The following SGCG variants were observed in gnomAD, a reference collection of about 807,000 sequenced individuals.
The protein encoded by SGCG is sarcoglycan gamma.
In SGCG, 26 loss-of-function variants were observed where a neutral mutation model predicts 29.3. That is an observed-to-expected ratio of 0.89 (90% CI 0.65 to 1.23). SGCG has a LOEUF of 1.23. Ranked by LOEUF, SGCG falls within the 50% of genes most tolerant of loss-of-function variation. The probability of loss-of-function intolerance (pLI) is 0.00; values close to 1 mark genes in which losing one functional copy is unlikely to be tolerated. For synonymous variants in SGCG, 145 were observed against 129.7 expected, an observed-to-expected ratio of 1.12 and a Z score of -0.80; for missense variants, 353 against 356.0, an observed-to-expected ratio of 0.99 and a Z score of 0.07.
At chr13:23,188,949 G>C (rs575868886) in intron 1 of SGCG, among the ~76,000 whole-genome samples, 6 of 152,246 alleles carry the variant, frequency 3.9e-5, no homozygotes, top group East Asian at 1.9e-4. Context: ...CATTCTTTAC[G>C]ATACCTCTGG....
chr13:23,304,974 C>T (rs1882310209), intron 6 of SGCG, among the ~76,000 whole-genome samples: 2 of 128,892 alleles, frequency 1.6e-5, no homozygotes, highest in South Asian at 2.7e-4. Context: ...CAGGCTTGCA[C>T]GTGCTCACAG....
chr13:23,211,592 C>A lies in SGCG; in HGVS notation c.195+7703C>A, dbSNP rs151122709. The stretch of plus-strand genomic sequence containing the variant: ...TGTGGGAATTGGGAAGACGAAATGC[C>A]TTCACTGTATTTATCTGATTTTACT... On this transcript the variant is annotated intron_variant, in intron 2 of 7. Coordinates refer to ENST00000218867, the MANE Select transcript of SGCG (RefSeq NM_000231.3). Among the ~76,000 whole-genome samples the A allele has an allele frequency of 3.3e-5, 5 of 152,250 alleles. No individual in the cohort carries two copies. The East Asian group carries it at 9.7e-4, about 29-fold the overall frequency.
intron 1 of SGCG, among the ~76,000 whole-genome samples, chr13:23,199,672 T>C (rs544154995): frequency 6.6e-6 from 1 of 152,288 alleles, no homozygotes; most frequent in Admixed American, 6.5e-5. Flanking sequence ...TGAACACTGG[T>C]AGATGGCACT....
At chr13:23,192,430 G>A (rs2014642) in intron 1 of SGCG, among the ~76,000 whole-genome samples, 28,133 of 151,714 alleles carry the variant, frequency 0.19, 3,145 homozygotes, top group East Asian at 0.45. Flanking sequence ...TCTCACTCTT[G>A]TTGCTCAGGC....
At chr13:23,270,169 G>T (rs762608957) in intron 4 of SGCG, among the ~76,000 whole-genome samples, 1 of 152,082 alleles carries the variant, frequency 6.6e-6, no homozygotes, top group African/African-American at 2.4e-5. Flanking sequence ...CCACGTGCCC[G>T]GCTGTATTTT....
upstream of SGCG, among the ~76,000 whole-genome samples, chr13:23,178,051 C>T (rs932091703): frequency 6.6e-6 from 1 of 152,124 alleles, no homozygotes; most frequent in African/African-American, 2.4e-5. Context: ...GCATGTGTGT[C>T]AGGTCAAGAA....
chr13:23,168,470 G>A, the SGCG span, among the ~76,000 whole-genome samples: 1 of 152,124 alleles, frequency 6.6e-6, no homozygotes, highest in Non-Finnish European at 1.5e-5. Flanking sequence ...CCTAGTTGGT[G>A]CCTGTTGGAC....
rs375470778 is a variant in SGCG at position 23,300,887 on chromosome 13, G to A, written c.578+5400G>A. Among the ~76,000 whole-genome samples the A allele has an allele frequency of 6.3e-3, 948 of 151,248 alleles. 3 individuals carry two copies. The highest frequency in any genetic ancestry group is 0.011 in the Non-Finnish European group (741 of 67,852). ...TCCCAGCACTTTGGGAGGCCGAGGC[G>A]GGCAGATCATGAGGTCAGGAGATCA... On this transcript the variant is annotated intron_variant, in intron 6 of 7. Coordinates refer to ENST00000218867, the MANE Select transcript of SGCG (RefSeq NM_000231.3).
At chr13:23,192,733 A>G (rs1877327975) in intron 1 of SGCG, among the ~76,000 whole-genome samples, 2 of 152,224 alleles carry the variant, frequency 1.3e-5, no homozygotes, top group African/African-American at 2.4e-5. Context: ...TGAGAGATGT[A>G]TGAAGTATGA....
intron 6 of SGCG, among the ~76,000 whole-genome samples, chr13:23,315,085 A>G (rs55821666): frequency 0.19 from 28,942 of 152,192 alleles, 3,333 homozygotes; most frequent in Non-Finnish European, 0.25. Context: ...GACGCTGTTT[A>G]CAGCCTTTGG....
intron 6 of SGCG, among the ~76,000 whole-genome samples, chr13:23,317,175 A>G (rs1882847853): frequency 1.3e-5 from 2 of 150,750 alleles, no homozygotes; most frequent in African/African-American, 4.8e-5. Flanking sequence ...AGCCTGGGCA[A>G]CAGAGTGAGA....
intron 1 of SGCG, among the ~76,000 whole-genome samples, chr13:23,201,324 G>T (rs894556399): frequency 2.6e-5 from 4 of 151,690 alleles, no homozygotes; most frequent in African/African-American, 9.7e-5. Context: ...ACAGACATTC[G>T]TGTTCTAATA....
chr13:23,292,352 T>C (rs939719902), intron 5 of SGCG, among the ~76,000 whole-genome samples: 24 of 152,192 alleles, frequency 1.6e-4, no homozygotes, highest in East Asian at 7.7e-4. Flanking sequence ...TCAAGTGATC[T>C]GCCTGCCTTG....
intron 1 of SGCG, among the ~76,000 whole-genome samples, chr13:23,187,923 G>A (rs898775155): frequency 8.5e-5 from 13 of 152,184 alleles, no homozygotes; most frequent in Admixed American, 6.5e-4. Flanking sequence ...CCAAACTCCT[G>A]GAGGCCTATG....
chr13:23,279,090 A>G (rs1881201882), intron 4 of SGCG, among the ~76,000 whole-genome samples: 2 of 152,360 alleles, frequency 1.3e-5, no homozygotes, highest in Middle Eastern at 3.4e-3. Context: ...AAGTATTTAA[A>G]ATCTTAAAGA....
intron 3 of SGCG, among the ~76,000 whole-genome samples, chr13:23,235,936 T>C (rs754218938): frequency 3.3e-5 from 5 of 152,158 alleles, no homozygotes; most frequent in African/African-American, 4.8e-5. Flanking sequence ...CTGTTACCAA[T>C]TGCAAAATGA....
intron 2 of SGCG, among the ~76,000 whole-genome samples, chr13:23,232,113 C>T (rs1456826250): frequency 7.1e-6 from 1 of 141,384 alleles, no homozygotes; most frequent in Non-Finnish European, 1.6e-5. Flanking sequence ...AGCGAGATTC[C>T]ATAAAGAAAA....
chr13:23,292,319 A>G (rs1881745711), intron 5 of SGCG, among the ~76,000 whole-genome samples: 1 of 152,206 alleles, frequency 6.6e-6, no homozygotes, highest in Non-Finnish European at 1.5e-5. Context: ...CATGTTGGCC[A>G]GGCTGGTCTC....
chr13:23,322,757 C>CTA, intron 7 of SGCG, among the ~76,000 whole-genome samples: 1 of 17,944 alleles, frequency 5.6e-5, no homozygotes, highest in Admixed American at 2.9e-4. Flanking sequence ...CAGACCGCCC[C>CTA]CCACCCATCC....
Sources: gnomAD v4.1 joint callset for allele counts (sites outside exome capture counted in the v4.1 genomes callset) on GRCh38, gnomAD v4.1.1 for gene constraint, MANE v1.5 for transcripts, NCBI Gene and HGNC (gene_info 2026-07-23, HGNC 2026-07-21) for gene names.